Variants in RAPGEF4 observed in about 807,000 individuals in gnomAD.
RAPGEF4 encodes RAP guanine-nucleotide-exchange factor (GEF) 4.
In RAPGEF4, 66 loss-of-function variants were observed where a neutral mutation model predicts 147.9. The observed-to-expected ratio is 0.45, with a 90% CI of 0.37 to 0.55. RAPGEF4 has a LOEUF of 0.55. Among genes scored for constraint, RAPGEF4 ranks in the 20% least tolerant of loss-of-function variants. RAPGEF4 has a pLI of 0.00. For synonymous variants in RAPGEF4, 419 were observed against 442.7 expected (o/e 0.95, Z 0.67); for missense variants, 1,071 against 1,257.3 (o/e 0.85, Z 2.24).
chr2:172,886,226 G>A (rs1448905368), intron 4 of RAPGEF4, among the ~76,000 whole-genome samples: 4 of 152,088 alleles, frequency 2.6e-5, no homozygotes, highest in Non-Finnish European at 5.9e-5. Flanking sequence ...TCTAGACCAG[G>A]GATCTGCCAA....
intron 10 of RAPGEF4, among the ~76,000 whole-genome samples, chr2:172,976,534 C>A (rs1181774250): frequency 6.6e-6 from 1 of 152,086 alleles, no homozygotes; most frequent in Non-Finnish European, 1.5e-5. Context: ...TCCCCCACCC[C>A]ACACACACAA....
At chr2:172,834,468 G>A (rs1281425955) in intron 4 of RAPGEF4, among the ~76,000 whole-genome samples, 4 of 152,228 alleles carry the variant, frequency 2.6e-5, no homozygotes, top group African/African-American at 7.2e-5. Flanking sequence ...TGGAGATAAT[G>A]CTACAATTGT....
intron 22 of RAPGEF4, 29 bp downstream of exon 22, chr2:173,018,831 CT>C: frequency 6.2e-7 from 1 of 1,604,160 alleles, no homozygotes; most frequent in East Asian, 2.2e-5. Flanking sequence ...ATTTTAGGCT[CT>C]GCAAAATGGG....
intron 4 of RAPGEF4, among the ~76,000 whole-genome samples, chr2:172,888,719 G>A (rs755562350): frequency 6.6e-6 from 1 of 152,176 alleles, no homozygotes; most frequent in Non-Finnish European, 1.5e-5. Flanking sequence ...ATATCAGCTT[G>A]GTGACGTGGC....
intron 4 of RAPGEF4, among the ~76,000 whole-genome samples, chr2:172,886,154 T>C (rs762695140): frequency 2.6e-4 from 39 of 152,360 alleles, no homozygotes; most frequent in Non-Finnish European, 4.0e-4. Flanking sequence ...TTTTCCTTCC[T>C]AGAGCTTGGC....
chr2:172,877,119 G>T (rs1473831239), intron 4 of RAPGEF4, among the ~76,000 whole-genome samples: 1 of 152,116 alleles, frequency 6.6e-6, no homozygotes, highest in Non-Finnish European at 1.5e-5. Flanking sequence ...AAACCCAAAT[G>T]CCCATCAGTG....
At chr2:172,820,821 T>A (rs1688990367) in intron 4 of RAPGEF4, among the ~76,000 whole-genome samples, 1 of 152,244 alleles carries the variant, frequency 6.6e-6, no homozygotes, top group African/African-American at 2.4e-5. Flanking sequence ...AATGTTTATT[T>A]TTCTATAAGA....
intron 1 of RAPGEF4, among the ~76,000 whole-genome samples, chr2:172,736,888 T>G (rs1574637933): frequency 6.6e-6 from 1 of 152,250 alleles, no homozygotes; most frequent in East Asian, 1.9e-4. Context: ...CAGAGTGAAC[T>G]GCCTCTGAAT....
At chr2:172,826,328 G>A (rs1442038240) in intron 4 of RAPGEF4, among the ~76,000 whole-genome samples, 1 of 152,160 alleles carries the variant, frequency 6.6e-6, no homozygotes, top group Non-Finnish European at 1.5e-5. Context: ...TTTAATAGTT[G>A]TGGAGAAAGT....
intron 4 of RAPGEF4, among the ~76,000 whole-genome samples, chr2:172,849,284 G>A (rs1271773227): frequency 6.6e-6 from 1 of 152,132 alleles, no homozygotes; most frequent in Non-Finnish European, 1.5e-5. Flanking sequence ...CATTGCATTA[G>A]TTTAAATATC....
At chr2:172,948,268 A>G (rs961140329) in intron 6 of RAPGEF4, among the ~76,000 whole-genome samples, 3 of 152,134 alleles carry the variant, frequency 2.0e-5, no homozygotes, top group African/African-American at 7.2e-5. Context: ...GTGGCAGTAG[A>G]TTTCTGAGGT....
chr2:172,950,497 G>A (rs946002521), intron 6 of RAPGEF4, among the ~76,000 whole-genome samples: 2 of 151,932 alleles, frequency 1.3e-5, no homozygotes, highest in Admixed American at 1.3e-4. Context: ...TTTTTTTCCT[G>A]ATTCTCTTAG....
At chr2:172,892,383 C>T (rs1160505949) in intron 4 of RAPGEF4, among the ~76,000 whole-genome samples, 1 of 152,212 alleles carries the variant, frequency 6.6e-6, no homozygotes, top group Non-Finnish European at 1.5e-5. Flanking sequence ...TGTGCCCTGG[C>T]CAACCTTCCA....
At chr2:172,917,946 T>C in intron 5 of RAPGEF4, 72 bp downstream of exon 5, 1 of 1,261,546 alleles carries the variant, frequency 7.9e-7, no homozygotes, top group South Asian at 1.2e-5. Context: ...TGACAAAAAA[T>C]ATGTCCTACA....
rs551866677 is a variant in RAPGEF4 at position 172,938,248 on chromosome 2, C to T, written c.537+15948C>T. Among the ~76,000 whole-genome samples, 5 of 151,372 alleles carry T rather than the reference C, an allele frequency of 3.3e-5. No individual in the cohort carries two copies. The South Asian group carries it at 1.0e-3, about 32-fold the overall frequency. ...ACACACACACACACACACACACAGA[C>T]AACCATCTGTATCTATGTTTGGCTA... On this transcript the variant is annotated intron_variant, in intron 6 of 30. Coordinates refer to ENST00000397081, the MANE Select transcript of RAPGEF4 (RefSeq NM_007023.4).
chr2:172,822,512 G>T (rs758564419), intron 4 of RAPGEF4, among the ~76,000 whole-genome samples: 2 of 152,196 alleles, frequency 1.3e-5, no homozygotes, highest in Admixed American at 6.5e-5. Flanking sequence ...TCCCCAAGCA[G>T]TGATTTCAGT....
At chr2:172,943,383 A>T (rs895827891) in intron 6 of RAPGEF4, among the ~76,000 whole-genome samples, 3 of 152,170 alleles carry the variant, frequency 2.0e-5, no homozygotes, top group Admixed American at 6.6e-5. Context: ...CAGTAGTGCA[A>T]GTGGTTAACC....
chr2:172,904,531 C>A (rs867162913), intron 4 of RAPGEF4, among the ~76,000 whole-genome samples: 1 of 152,130 alleles, frequency 6.6e-6, no homozygotes, highest in Non-Finnish European at 1.5e-5. Context: ...ACAAAGTGTG[C>A]ACTAACTAAA....
intron 1 of RAPGEF4, among the ~76,000 whole-genome samples, chr2:172,774,264 G>T (rs944221594): frequency 6.6e-6 from 1 of 152,066 alleles, no homozygotes; most frequent in African/African-American, 2.4e-5. Context: ...ACTAATTTTT[G>T]AAAATGATGG....
Sources: allele counts gnomAD v4.1 joint callset (sites outside exome capture counted in the v4.1 genomes callset), GRCh38; gene constraint gnomAD v4.1.1; transcripts MANE v1.5; gene names NCBI Gene and HGNC (gene_info 2026-07-23, HGNC 2026-07-21).